The following LINGO2 variants were observed in gnomAD, a reference collection of about 807,000 sequenced individuals.
LINGO2 encodes leucine-rich repeat and immunoglobulin-like domain-containing nogo receptor-interacting protein 2.
In LINGO2, 14 loss-of-function variants were observed where a neutral mutation model predicts 30.6. That is an observed-to-expected ratio of 0.46 (90% CI 0.30 to 0.72). LINGO2 has a LOEUF of 0.72. LINGO2 is among the 30% of genes least tolerant of loss of function. LINGO2 has a pLI of 0.07. For synonymous variants in LINGO2, 317 were observed against 288.5 expected (o/e 1.10, Z -1.00); for missense variants, 729 against 751.7 (o/e 0.97, Z 0.35).
intron 1 of LINGO2, among the ~76,000 whole-genome samples, chr9:28,488,608 A>G (rs1826265855): frequency 6.6e-6 from 1 of 152,162 alleles, no homozygotes; most frequent in Non-Finnish European, 1.5e-5. Flanking sequence ...TAAGAAAACA[A>G]CAGCACATAT....
At chr9:29,002,106 T>C in the LINGO2 span, among the ~76,000 whole-genome samples, 19 of 152,020 alleles carry the variant, frequency 1.2e-4, no homozygotes, top group Non-Finnish European at 2.4e-4. Context: ...TCTGAGACAA[T>C]CTGAGTCTTT....
chr9:28,695,008 C>T, the LINGO2 span, among the ~76,000 whole-genome samples: 14 of 150,190 alleles, frequency 9.3e-5, 1 homozygote, highest in African/African-American at 3.4e-4. Context: ...GTTGTATACC[C>T]ATTGAGCTGT....
At chr9:29,078,389 A>G in the LINGO2 span, among the ~76,000 whole-genome samples, 1 of 152,026 alleles carries the variant, frequency 6.6e-6, no homozygotes, top group Non-Finnish European at 1.5e-5. Context: ...ACTAGTAATA[A>G]AAATCTTATA....
At chr9:28,139,399 T>C (rs563206775) in intron 4 of LINGO2, among the ~76,000 whole-genome samples, 1 of 152,238 alleles carries the variant, frequency 6.6e-6, no homozygotes, top group Non-Finnish European at 1.5e-5. Context: ...GGGTAGAATA[T>C]ACCTTTCTTT....
rs527560299 is a variant in LINGO2 at position 28,148,635 on chromosome 9, C to T, written c.-86-136230G>A. On this transcript the variant is annotated intron_variant, in intron 4 of 5. Coordinates refer to ENST00000379992, the Ensembl canonical transcript of LINGO2. The surrounding 1 kb of genome is among the most constrained non-coding windows in gnomAD (Gnocchi z 5.1). ...GGAAATGTCCACCTCAAGAGCTTGA[C>T]AGAAAACAACCAGACTGACAAGGCC... 382 of 1,530,106 alleles carry T rather than the reference C, an allele frequency of 2.5e-4. 4 individuals are homozygous for T. The South Asian group carries it at 4.2e-3, about 17-fold the overall frequency. The allele number at this position is 1,530,106 out of a possible 1,614,324, so 94.8% of individuals were successfully genotyped here. A position where few individuals can be genotyped will look rare whatever the true frequency, so the allele number is the denominator to read the frequency against.
At chr9:28,054,968 C>T (rs1824854696) in intron 4 of LINGO2, among the ~76,000 whole-genome samples, 1 of 152,020 alleles carries the variant, frequency 6.6e-6, no homozygotes, top group Non-Finnish European at 1.5e-5. Context: ...AATGTGAATA[C>T]TCCTTACATA....
At chr9:28,146,700 C>G (rs1305607802) in intron 4 of LINGO2, among the ~76,000 whole-genome samples, 1 of 152,110 alleles carries the variant, frequency 6.6e-6, no homozygotes, top group Non-Finnish European at 1.5e-5. Flanking sequence ...GTATGTCCCT[C>G]TCTTGGGCAT....
intron 4 of LINGO2, among the ~76,000 whole-genome samples, chr9:28,223,781 A>G (rs1034309100): frequency 2.6e-5 from 4 of 152,170 alleles, no homozygotes; most frequent in Admixed American, 6.5e-5. Flanking sequence ...CTATGGAAAT[A>G]AAGAGAGAAA....
chr9:29,178,047 T>TTTTATTTA, the LINGO2 span, among the ~76,000 whole-genome samples: 1 of 151,854 alleles, frequency 6.6e-6, no homozygotes, highest in Non-Finnish European at 1.5e-5. Flanking sequence ...AATACTTTTA[T>TTTTATTTA]TTTATTTATT....
chr9:27,988,436 C>T (rs1390302540), intron 5 of LINGO2, among the ~76,000 whole-genome samples: 2 of 152,040 alleles, frequency 1.3e-5, no homozygotes, highest in Non-Finnish European at 2.9e-5. Context: ...CTGTCTTCCA[C>T]AATGGTTGAA....
intron 1 of LINGO2, among the ~76,000 whole-genome samples, chr9:28,601,232 C>T (rs1216132117): frequency 1.3e-5 from 2 of 152,070 alleles, no homozygotes; most frequent in Non-Finnish European, 2.9e-5. Context: ...GATAGCCAAG[C>T]TTTGCTGTAG....
intron 3 of LINGO2, among the ~76,000 whole-genome samples, chr9:28,332,658 T>C (rs1030338140): frequency 6.6e-6 from 1 of 151,770 alleles, no homozygotes; most frequent in East Asian, 1.9e-4. Context: ...TGGGCTCTTA[T>C]AAGAATCTGA....
chr9:29,096,925 A>G, the LINGO2 span, among the ~76,000 whole-genome samples: 1 of 139,216 alleles, frequency 7.2e-6, no homozygotes, highest in Non-Finnish European at 1.6e-5. Context: ...TTTAACATTT[A>G]ATTTAAATTT....
intron 4 of LINGO2, among the ~76,000 whole-genome samples, chr9:28,050,958 G>A (rs1040937019): frequency 2.7e-5 from 4 of 150,808 alleles, no homozygotes; most frequent in African/African-American, 9.8e-5. Flanking sequence ...GACAGTGGTG[G>A]GCTCAACATA....
intron 1 of LINGO2, among the ~76,000 whole-genome samples, chr9:28,599,812 C>A (rs1008232128): frequency 6.6e-6 from 1 of 152,004 alleles, no homozygotes; most frequent in African/African-American, 2.4e-5. Context: ...AACGCTTTTT[C>A]TATATTAAAT....
chr9:28,029,925 T>C (rs906565003), intron 4 of LINGO2, among the ~76,000 whole-genome samples: 4 of 152,104 alleles, frequency 2.6e-5, no homozygotes, highest in Admixed American at 2.0e-4. Flanking sequence ...CCTAGAGAAA[T>C]AGGAAGATTC....
intron 2 of LINGO2, among the ~76,000 whole-genome samples, chr9:28,392,083 G>T (rs911175840): frequency 6.6e-6 from 1 of 152,100 alleles, no homozygotes; most frequent in Admixed American, 6.6e-5. Flanking sequence ...CGTGCCTGTA[G>T]TCCCGGTTAC....
intron 4 of LINGO2, among the ~76,000 whole-genome samples, chr9:28,186,202 G>A (rs1438442313): frequency 2.0e-5 from 3 of 152,144 alleles, no homozygotes; most frequent in African/African-American, 7.2e-5. Flanking sequence ...TGGAAAAGTC[G>A]AGAGGGAGAC....
chr9:28,389,929 C>T (rs991101474), intron 2 of LINGO2, among the ~76,000 whole-genome samples: 3 of 152,016 alleles, frequency 2.0e-5, no homozygotes, highest in Non-Finnish European at 4.4e-5. Flanking sequence ...TTAATCTGGC[C>T]CTGGTTTCAT....
Sources: allele counts gnomAD v4.1 joint callset (sites outside exome capture counted in the v4.1 genomes callset), GRCh38; gene constraint gnomAD v4.1.1; non-coding constraint Gnocchi (gnomAD v3.1); transcripts MANE v1.5; gene names NCBI Gene and HGNC (gene_info 2026-07-23, HGNC 2026-07-21).